Variants in PACRG observed in about 807,000 individuals in gnomAD.
The protein encoded by PACRG is parkin coregulated, also known as parkin coregulated gene protein.
A neutral mutation model predicts 29.7 loss-of-function variants in PACRG; 29 were observed. The observed-to-expected ratio is 0.98, with a 90% CI of 0.73 to 1.33. The LOEUF is 1.33. Among genes scored for constraint, PACRG ranks in the 40% most tolerant of loss-of-function variants. PACRG has a pLI of 0.00. For missense variants in PACRG, 279 were observed against 316.2 expected (o/e 0.88, Z 0.89); for synonymous variants, 116 against 118.7 (o/e 0.98, Z 0.15).
At chr6:163,197,544 C>T (rs1047019621) in intron 4 of PACRG, among the ~76,000 whole-genome samples, 14 of 149,398 alleles carry the variant, frequency 9.4e-5, no homozygotes, top group South Asian at 2.1e-4. Context: ...CCCGGGTTCA[C>T]GCCATTCTCC....
At chr6:163,184,245 A>T (rs767093335) in intron 4 of PACRG, among the ~76,000 whole-genome samples, 2 of 152,224 alleles carry the variant, frequency 1.3e-5, no homozygotes, top group Non-Finnish European at 2.9e-5. Context: ...TAGATAATAG[A>T]ACATAGAGTA....
chr6:163,216,759 A>G (rs907786875), intron 4 of PACRG, among the ~76,000 whole-genome samples: 6 of 152,130 alleles, frequency 3.9e-5, no homozygotes, highest in African/African-American at 1.4e-4. Flanking sequence ...ACATTGCTAT[A>G]TTTTCCCCCA....
intron 1 of PACRG, among the ~76,000 whole-genome samples, chr6:162,740,283 T>C (rs1358363419): frequency 6.6e-6 from 1 of 152,080 alleles, no homozygotes. Flanking sequence ...AGAATTTTAT[T>C]CAAGGTGCAA....
intron 2 of PACRG, chr6:163,060,699 C>T (rs924113741): frequency 6.6e-6 from 1 of 152,212 alleles, no homozygotes; most frequent in South Asian, 2.1e-4. Flanking sequence ...AGACTGTAGA[C>T]AGGCCTGCTG....
chr6:162,855,390 CTCT>C (rs1791301119), intron 2 of PACRG, among the ~76,000 whole-genome samples: 1 of 152,134 alleles, frequency 6.6e-6, no homozygotes, highest in Non-Finnish European at 1.5e-5. Flanking sequence ...CTTATAGACA[CTCT>C]TCTTTTTTGC....
At chr6:162,854,995 C>G (rs1465353689) in intron 2 of PACRG, among the ~76,000 whole-genome samples, 1 of 152,254 alleles carries the variant, frequency 6.6e-6, no homozygotes, top group African/African-American at 2.4e-5. Context: ...CTACGCTGTG[C>G]CCTGCGAGCG....
chr6:162,792,669 G>C (rs1000418995), intron 1 of PACRG, among the ~76,000 whole-genome samples: 1 of 152,184 alleles, frequency 6.6e-6, no homozygotes, highest in Non-Finnish European at 1.5e-5. Context: ...AACCAACACT[G>C]CTGGGGAGAC....
At chr6:163,231,286 C>T (rs1782033870) in intron 4 of PACRG, among the ~76,000 whole-genome samples, 1 of 152,210 alleles carries the variant, frequency 6.6e-6, no homozygotes, top group African/African-American at 2.4e-5. Context: ...TCCTGTGACC[C>T]ACTCACTGCC....
Position 163,269,893 on chromosome 6 carries a change from AC to A in PACRG, c.614-44933del, listed in dbSNP as rs1394211610. Among the ~76,000 whole-genome samples, 7 of 19,838 alleles carry A rather than the reference AC, an allele frequency of 3.5e-4. 2 individuals carry two copies. The highest frequency in any genetic ancestry group is 1.0e-3 in the African/African-American group (4 of 3,984). 13.0% of individuals were successfully genotyped at this position (19,838 alleles called of 152,430 possible). ...AGAAAGAAAGAAAGAAAGAAAGAAA[AC>A]AAAGAAAGAAAGAAAGAAAGAAAGA... On this transcript the variant is annotated intron_variant, in intron 4 of 4. Coordinates refer to ENST00000366888, the MANE Select transcript of PACRG (RefSeq NM_001080379.2).
chr6:162,836,448 A>G (rs923512693), intron 2 of PACRG, among the ~76,000 whole-genome samples: 32 of 152,140 alleles, frequency 2.1e-4, no homozygotes, highest in African/African-American at 7.5e-4. Context: ...CTATCTGAAC[A>G]CTTCCCTTTC....
chr6:163,296,994 C>T (rs560447472), intron 4 of PACRG, among the ~76,000 whole-genome samples: 1 of 152,318 alleles, frequency 6.6e-6, no homozygotes, highest in Admixed American at 6.5e-5. Flanking sequence ...CATTATTTTA[C>T]CTTAACTTGA....
chr6:162,789,511 C>A (rs1370894104), intron 1 of PACRG, among the ~76,000 whole-genome samples: 1 of 152,122 alleles, frequency 6.6e-6, no homozygotes, highest in Non-Finnish European at 1.5e-5. Context: ...ATCATGTTAA[C>A]TTTCAAAGTC....
At chr6:162,891,984 A>T (rs572000008) in intron 2 of PACRG, 5 of 152,430 alleles carry the variant, frequency 3.3e-5, no homozygotes, top group African/African-American at 1.2e-4. Context: ...TAGTCCGGTT[A>T]TCTTCTGTTT....
intron 4 of PACRG, among the ~76,000 whole-genome samples, chr6:163,151,852 T>G (rs1046848492): frequency 6.6e-6 from 1 of 152,212 alleles, no homozygotes; most frequent in Non-Finnish European, 1.5e-5. Context: ...TATTAGAAAT[T>G]TGCAGATGTG....
chr6:163,122,461 C>T (rs1390595027), intron 4 of PACRG, among the ~76,000 whole-genome samples: 1 of 152,218 alleles, frequency 6.6e-6, no homozygotes. Context: ...TCGCGAATGG[C>T]TTGGTGCCCT....
intron 4 of PACRG, among the ~76,000 whole-genome samples, chr6:163,249,973 G>T (rs1406493394): frequency 2.0e-5 from 3 of 152,154 alleles, no homozygotes. Context: ...GCCCATTGTG[G>T]TTCCCACCGC....
At chr6:162,802,650 C>G (rs1785973088) in intron 1 of PACRG, among the ~76,000 whole-genome samples, 1 of 151,942 alleles carries the variant, frequency 6.6e-6, no homozygotes, top group Non-Finnish European at 1.5e-5. Flanking sequence ...GAATACAGAT[C>G]CTTCTTCATA....
At chr6:163,021,645 C>T (rs1370116626) in intron 2 of PACRG, among the ~76,000 whole-genome samples, 7 of 152,150 alleles carry the variant, frequency 4.6e-5, no homozygotes, top group Non-Finnish European at 1.5e-5. Flanking sequence ...ACTCTAAGCT[C>T]CTGACAGCCT....
At chr6:162,874,139 T>TAAA (rs56159049) in intron 2 of PACRG, among the ~76,000 whole-genome samples, 5,695 of 133,284 alleles carry the variant, frequency 0.043, 133 homozygotes, top group African/African-American at 0.055. Flanking sequence ...ATGAGGGAGT[T>TAAA]AAAAAAAAAA....
Sources: allele counts gnomAD v4.1 joint callset (sites outside exome capture counted in the v4.1 genomes callset), GRCh38; gene constraint gnomAD v4.1.1; transcripts MANE v1.5; gene names NCBI Gene and HGNC (gene_info 2026-07-23, HGNC 2026-07-21).